MAML2: variants seen among roughly 807,000 people sequenced by gnomAD.
MAML2 encodes the protein mastermind like transcriptional coactivator 2.
Under a neutral mutation model 96.1 loss-of-function variants are expected in MAML2, and 22 were observed. The observed-to-expected ratio is 0.23, with a 90% CI of 0.16 to 0.33. MAML2 has a LOEUF of 0.33. Ranked by LOEUF, MAML2 falls within the 10% of genes least tolerant of loss-of-function variation. The pLI, the probability that MAML2 is intolerant of heterozygous loss-of-function variation, is 1.00. For synonymous variants in MAML2, 561 were observed against 521.3 expected (o/e 1.08, Z -1.04); for missense variants, 1,367 against 1,392.4 (o/e 0.98, Z 0.29).
chr11:96,286,208 G>C (rs968509995), intron 1 of MAML2, among the ~76,000 whole-genome samples: 1 of 152,222 alleles, frequency 6.6e-6, no homozygotes, highest in African/African-American at 2.4e-5. Context: ...GTTATCCTCA[G>C]CAAACTAACG....
chr11:96,184,142 A>G (rs1204132543), intron 1 of MAML2, among the ~76,000 whole-genome samples: 1 of 152,218 alleles, frequency 6.6e-6, no homozygotes, highest in Non-Finnish European at 1.5e-5. Context: ...AAAAAGCAAC[A>G]TTAGAAAAAA....
intron 2 of MAML2, among the ~76,000 whole-genome samples, chr11:96,028,746 G>A (rs1858564615): frequency 6.6e-6 from 1 of 152,172 alleles, no homozygotes; most frequent in South Asian, 2.1e-4. Flanking sequence ...TATGTGTTCT[G>A]AAAAAGGGCA....
At chr11:96,006,161 C>T (rs560027550) in intron 2 of MAML2, among the ~76,000 whole-genome samples, 5 of 152,214 alleles carry the variant, frequency 3.3e-5, no homozygotes, top group Admixed American at 6.5e-5. Context: ...GCAAAGCAAG[C>T]CACTAAATAC....
chr11:96,329,478 G>A (rs1396505247), intron 1 of MAML2, among the ~76,000 whole-genome samples: 1 of 152,132 alleles, frequency 6.6e-6, no homozygotes, highest in African/African-American at 2.4e-5. Flanking sequence ...TGTAAGAAGA[G>A]ACTGAAATTT....
At position 96,050,178 on chromosome 11, in the gene MAML2, A is replaced by G. The variant is rs75020622; in HGVS notation, c.2139+41714T>C. Among the ~76,000 whole-genome samples the G allele has an allele frequency of 9.1e-3, 1,386 of 152,266 alleles. 45 individuals carry two copies. Among genetic ancestry groups the G allele is most frequent in the East Asian group, 0.085 (443 of 5,182 alleles). On this transcript the variant is annotated intron_variant, in intron 2 of 4. Coordinates refer to ENST00000524717, the MANE Select transcript of MAML2 (RefSeq NM_032427.4). ...TTAATAATCTATTAAGATCATACAGATCTAAGGAAACTGACATCCCTGGGT... is the reference window on the plus strand; with the variant it reads ...TTAATAATCTATTAAGATCATACAGGTCTAAGGAAACTGACATCCCTGGGT...
chr11:96,233,181 A>T (rs1862320266), intron 1 of MAML2, among the ~76,000 whole-genome samples: 1 of 152,218 alleles, frequency 6.6e-6, no homozygotes, highest in South Asian at 2.1e-4. Context: ...ACAATAAATT[A>T]TTTATTATAC....
At chr11:96,240,635 T>C (rs1390876448) in intron 1 of MAML2, among the ~76,000 whole-genome samples, 1 of 151,658 alleles carries the variant, frequency 6.6e-6, no homozygotes, top group Admixed American at 6.6e-5. Flanking sequence ...GGGCTTATTA[T>C]TATTTTTGCA....
At chr11:96,132,225 A>G (rs1860559328) in intron 1 of MAML2, among the ~76,000 whole-genome samples, 1 of 152,220 alleles carries the variant, frequency 6.6e-6, no homozygotes, top group African/African-American at 2.4e-5. Context: ...AATATGCAAA[A>G]TGAGGTGAGG....
In MAML2 at chr11:96,228,692, A is replaced by C. The variant is rs1591084121; in HGVS notation, c.513+112691T>G. 2.0e-5 allele frequency among the ~76,000 whole-genome samples: 3 copies of C among 152,194 alleles called. No homozygotes were observed. The South Asian group carries it at 6.2e-4, about 32-fold the overall frequency. Reference sequence around the variant, plus strand: ...CTCAGTCGGCCAGACCAGACCAGACAAGCCTCATGCGCCTGAAGGTCCTGG... The same window carrying C: ...CTCAGTCGGCCAGACCAGACCAGACCAGCCTCATGCGCCTGAAGGTCCTGG... On this transcript the variant is annotated intron_variant, in intron 1 of 4. Coordinates refer to ENST00000524717, the MANE Select transcript of MAML2 (RefSeq NM_032427.4).
intron 1 of MAML2, among the ~76,000 whole-genome samples, chr11:96,340,672 C>T (rs933190692): frequency 3.3e-5 from 5 of 152,140 alleles, no homozygotes; most frequent in African/African-American, 1.2e-4. Flanking sequence ...GTCTGCTTAA[C>T]GAATGCTCTA....
intron 2 of MAML2, among the ~76,000 whole-genome samples, chr11:96,079,655 A>G (rs1408764056): frequency 6.6e-6 from 1 of 152,156 alleles, no homozygotes; most frequent in East Asian, 1.9e-4. Flanking sequence ...TTCTTTGCAT[A>G]CTCTGTGGCA....
chr11:96,204,365 C>A (rs1278125830), intron 1 of MAML2, among the ~76,000 whole-genome samples: 1 of 152,136 alleles, frequency 6.6e-6, no homozygotes, highest in Non-Finnish European at 1.5e-5. Context: ...CAGAGCCTAG[C>A]GTAGATGACA....
At chr11:96,197,039 T>C (rs1247554817) in intron 1 of MAML2, among the ~76,000 whole-genome samples, 1 of 152,226 alleles carries the variant, frequency 6.6e-6, no homozygotes, top group Admixed American at 6.5e-5. Flanking sequence ...GAGTTTACTC[T>C]GTGCCTGTAA....
rs557387516 is a variant in MAML2 at position 96,304,614 on chromosome 11, A to G, written c.513+36769T>C. On this transcript the variant is annotated intron_variant, in intron 1 of 4. Transcript: ENST00000524717. ...AGACCATCCTATTACATTTCATGGC[A>G]TCTACTTCAAACAGAATGAATGCTT... is the stretch of plus-strand genomic sequence containing the variant. Among the ~76,000 whole-genome samples, 17 of 152,300 alleles carry G rather than the reference A, an allele frequency of 1.1e-4. No individual in the cohort carries two copies. In the East Asian group the frequency reaches 3.1e-3, roughly 28 times the overall value.
chr11:96,331,855 G>C (rs963346495), intron 1 of MAML2, among the ~76,000 whole-genome samples: 2 of 150,212 alleles, frequency 1.3e-5, no homozygotes, highest in African/African-American at 4.9e-5. Context: ...CTTCATTTAC[G>C]AAAAGAGGAT....
At chr11:95,988,927 A>C (rs1857868652) in intron 3 of MAML2, among the ~76,000 whole-genome samples, 1 of 152,214 alleles carries the variant, frequency 6.6e-6, no homozygotes, top group Non-Finnish European at 1.5e-5. Flanking sequence ...GTTATAGTAC[A>C]TATCTGTTCT....
chr11:96,101,122 T>C (rs1040938104), intron 1 of MAML2, among the ~76,000 whole-genome samples: 2 of 152,108 alleles, frequency 1.3e-5, no homozygotes, highest in African/African-American at 2.4e-5. Flanking sequence ...AGGTTCTATA[T>C]AGAGAAAAGA....
At chr11:96,031,074 T>A (rs1264626517) in intron 2 of MAML2, among the ~76,000 whole-genome samples, 1 of 152,178 alleles carries the variant, frequency 6.6e-6, no homozygotes, top group African/African-American at 2.4e-5. Context: ...TGACTGTAAA[T>A]GACTTGGGAA....
intron 2 of MAML2, among the ~76,000 whole-genome samples, chr11:95,998,135 T>C (rs1320995027): frequency 2.2e-5 from 3 of 137,582 alleles, no homozygotes; most frequent in South Asian, 5.0e-4. Flanking sequence ...TGTCTGTCTG[T>C]CTGTCAGTCT....
Sources: gnomAD v4.1 joint callset for allele counts (sites outside exome capture counted in the v4.1 genomes callset) on GRCh38, gnomAD v4.1.1 for gene constraint, MANE v1.5 for transcripts, NCBI Gene and HGNC (gene_info 2026-07-23, HGNC 2026-07-21) for gene names.